Variants in SLC9C1 observed in about 807,000 individuals in gnomAD.
SLC9C1 encodes the protein solute carrier family 9 member C1, also known as sodium/hydrogen exchanger 10.
A neutral mutation model predicts 140.9 loss-of-function variants in SLC9C1; 97 were observed. That is an observed-to-expected ratio of 0.69 (90% CI 0.58 to 0.82). The LOEUF (loss-of-function observed/expected upper bound fraction) is 0.82, where lower values mean the gene tolerates loss of function less well. SLC9C1 is among the 40% of genes least tolerant of loss of function. SLC9C1 has a pLI of 0.00. For synonymous variants in SLC9C1, 440 were observed against 442.6 expected (o/e 0.99, Z 0.07); for missense variants, 1,340 against 1,389.3 (o/e 0.96, Z 0.56).
At chr3:112,288,766 A>T (rs1157414322) in intron 1 of SLC9C1, among the ~76,000 whole-genome samples, 1 of 152,084 alleles carries the variant, frequency 6.6e-6, no homozygotes, top group Non-Finnish European at 1.5e-5. Flanking sequence ...TCTCTAAAAC[A>T]AATTTCAGAA....
At position 112,216,164 on chromosome 3, in the gene SLC9C1, T is replaced by C. The variant is rs544813728; in HGVS notation, c.1790+1278A>G. Among the ~76,000 whole-genome samples the C allele has an allele frequency of 1.0e-2, 1,520 of 152,272 alleles. 24 individuals carry two copies. The highest frequency in any genetic ancestry group is 0.034 in the African/African-American group (1,418 of 41,550). On this transcript the variant is annotated intron_variant, in intron 15 of 28. Transcript: ENST00000305815. ...AACTGGCTAGCCATATGTAGAAAGC[T>C]GAAATGGGATCCCTTCCTTACACCT...
intron 1 of SLC9C1, among the ~76,000 whole-genome samples, chr3:112,288,042 C>CAAAAAAAA (rs11462109): frequency 6.1e-5 from 5 of 81,808 alleles, no homozygotes; most frequent in Admixed American, 3.3e-4. Flanking sequence ...GACTCCGTCT[C>CAAAAAAAA]AAAAAAAAAA....
chr3:112,248,311 TATGAGAGA>T (rs1276468228), intron 10 of SLC9C1, among the ~76,000 whole-genome samples: 12 of 152,130 alleles, frequency 7.9e-5, no homozygotes, highest in Non-Finnish European at 1.8e-4. Flanking sequence ...AATGCAAGTT[TATGAGAGA>T]AACAATCAGA....
intron 20 of SLC9C1, among the ~76,000 whole-genome samples, chr3:112,187,053 CTCTT>C (rs2077554000): frequency 6.6e-6 from 1 of 152,158 alleles, no homozygotes; most frequent in Non-Finnish European, 1.5e-5. Flanking sequence ...TTACACACAT[CTCTT>C]TCTATTTTGG....
chr3:112,142,099 A>C (rs2074644924), intron 28 of SLC9C1, among the ~76,000 whole-genome samples: 1 of 152,174 alleles, frequency 6.6e-6, no homozygotes, highest in Non-Finnish European at 1.5e-5. Flanking sequence ...CTAGAAGCAT[A>C]ATCACTAATT....
chr3:112,203,118 T>C (rs536793542), intron 17 of SLC9C1, among the ~76,000 whole-genome samples: 66 of 152,132 alleles, frequency 4.3e-4, no homozygotes, highest in Non-Finnish European at 8.7e-4. Flanking sequence ...CCATATAACA[T>C]TTCAATATCT....
chr3:112,183,370 T>TTTTC (rs1560039720), intron 20 of SLC9C1, among the ~76,000 whole-genome samples: 3 of 128,848 alleles, frequency 2.3e-5, no homozygotes, highest in Non-Finnish European at 4.9e-5. Context: ...TTTTTTTTTT[T>TTTTC]CAGCCAATCA....
At chr3:112,259,072 TG>T (rs1342741722) in intron 10 of SLC9C1, among the ~76,000 whole-genome samples, 1 of 152,060 alleles carries the variant, frequency 6.6e-6, no homozygotes, top group South Asian at 2.1e-4. Context: ...ACATGAGATT[TG>T]GGTGGGGACA....
chr3:112,154,371 C>T (rs965903008), intron 27 of SLC9C1, among the ~76,000 whole-genome samples: 2 of 152,162 alleles, frequency 1.3e-5, no homozygotes, highest in African/African-American at 4.8e-5. Flanking sequence ...ATATTTCTCT[C>T]TGCTCAGTTT....
chr3:112,281,694 T>C (rs2080361430), intron 2 of SLC9C1, among the ~76,000 whole-genome samples: 1 of 152,206 alleles, frequency 6.6e-6, no homozygotes. Context: ...ACGTTGAAGA[T>C]TTATATCATA....
chr3:112,169,905 A>G (rs1373466387), intron 23 of SLC9C1, among the ~76,000 whole-genome samples: 1 of 152,126 alleles, frequency 6.6e-6, no homozygotes, highest in Admixed American at 6.6e-5. Flanking sequence ...ATTTCTTTCC[A>G]TAAATGGTAT....
chr3:112,290,942 A>G (rs1315587446), intron 1 of SLC9C1, among the ~76,000 whole-genome samples: 1 of 150,758 alleles, frequency 6.6e-6, no homozygotes, highest in Non-Finnish European at 1.5e-5. Context: ...TCGATCTTGC[A>G]TGTGAGATGG....
At chr3:112,177,417 A>G (rs964610389) in intron 23 of SLC9C1, among the ~76,000 whole-genome samples, 4 of 151,756 alleles carry the variant, frequency 2.6e-5, no homozygotes, top group African/African-American at 7.3e-5. Context: ...GAACCACCAC[A>G]CAGGCTACTT....
chr3:112,189,080 G>C (rs866677820), intron 20 of SLC9C1, among the ~76,000 whole-genome samples: 1 of 144,886 alleles, frequency 6.9e-6, no homozygotes, highest in South Asian at 2.1e-4. Context: ...GGGGTTGTTT[G>C]TTTTTTTCTT....
chr3:112,143,041 C>G (rs1318915349), intron 28 of SLC9C1, among the ~76,000 whole-genome samples: 1 of 152,122 alleles, frequency 6.6e-6, no homozygotes, highest in African/African-American at 2.4e-5. Flanking sequence ...CAGCTGCATC[C>G]ATATTGCTGC....
intron 10 of SLC9C1, among the ~76,000 whole-genome samples, chr3:112,251,275 G>A (rs1213137574): frequency 2.6e-5 from 4 of 152,078 alleles, no homozygotes; most frequent in Admixed American, 2.6e-4. Context: ...GTGACACAGA[G>A]TCAGGGGAGC....
At chr3:112,161,387 G>C (rs905482009) in intron 26 of SLC9C1, among the ~76,000 whole-genome samples, 1 of 152,064 alleles carries the variant, frequency 6.6e-6, no homozygotes, top group Non-Finnish European at 1.5e-5. Context: ...TTTCTTCTAG[G>C]GTTTTTATGG....
chr3:112,159,045 G>A (rs1240837150), intron 26 of SLC9C1, among the ~76,000 whole-genome samples: 3 of 150,414 alleles, frequency 2.0e-5, no homozygotes, highest in African/African-American at 2.4e-5. Flanking sequence ...CTAATTTTGG[G>A]TTTGGTTTGT....
intron 15 of SLC9C1, among the ~76,000 whole-genome samples, chr3:112,214,494 T>A (rs1348387561): frequency 6.6e-6 from 1 of 151,546 alleles, no homozygotes; most frequent in Non-Finnish European, 1.5e-5. Context: ...GACAAAAGAA[T>A]CAAATAGATG....
Sources: allele counts gnomAD v4.1 joint callset (sites outside exome capture counted in the v4.1 genomes callset), GRCh38; gene constraint gnomAD v4.1.1; transcripts MANE v1.5; gene names NCBI Gene and HGNC (gene_info 2026-07-23, HGNC 2026-07-21).